Variants in FER1L6 observed in about 807,000 individuals in gnomAD.
The protein encoded by FER1L6 is fer-1 like family member 6, also known as fer-1-like protein 6.
FER1L6 carries 177 observed loss-of-function variants against 219.2 expected under a neutral mutation model. That is an observed-to-expected ratio of 0.81 (90% CI 0.71 to 0.91). FER1L6 has a LOEUF of 0.91. FER1L6 is among the 40% of genes least tolerant of loss of function. FER1L6 has a pLI of 0.00. For synonymous variants in FER1L6, 768 were observed against 824.3 expected (o/e 0.93, Z 1.17); for missense variants, 2,153 against 2,259.9 (o/e 0.95, Z 0.96).
At chr8:123,919,931 C>T (rs867847924) in intron 1 of FER1L6, among the ~76,000 whole-genome samples, 3 of 152,240 alleles carry the variant, frequency 2.0e-5, no homozygotes, top group Middle Eastern at 3.4e-3. Context: ...CCTGGAGAGG[C>T]AAGGAGGCAG....
At position 123,932,065 on chromosome 8, in the gene FER1L6, G is replaced by A. The variant is rs557262126; in HGVS notation, c.-7-23927G>A. ...GTCAACAGCTTCTATTAGAGCTGCAGTTTATTTAACAGTGTCTTTCTTCCC... is the reference window on the plus strand; with the variant it reads ...GTCAACAGCTTCTATTAGAGCTGCAATTTATTTAACAGTGTCTTTCTTCCC... On this transcript the variant is annotated intron_variant, in intron 1 of 40. Coordinates refer to ENST00000522917, the MANE Select transcript of FER1L6 (RefSeq NM_001039112.2). Among the ~76,000 whole-genome samples the A allele has an allele frequency of 5.3e-5, 8 of 152,170 alleles. No homozygotes were observed. In the South Asian group the frequency reaches 1.7e-3, roughly 32 times the overall value.
chr8:124,082,094 A>G (rs1354626615), intron 32 of FER1L6, among the ~76,000 whole-genome samples, 194 bp from the exon 33 acceptor site: 4 of 152,236 alleles, frequency 2.6e-5, no homozygotes, highest in African/African-American at 7.2e-5. Context: ...GCTATTTGAA[A>G]TTGATAACAG....
intron 1 of FER1L6, among the ~76,000 whole-genome samples, chr8:123,874,057 AC>A (rs1190767346): frequency 6.6e-6 from 1 of 152,048 alleles, no homozygotes; most frequent in African/African-American, 2.4e-5. Flanking sequence ...TAGTGTATTC[AC>A]CTGGCCAAAT....
intron 1 of FER1L6, among the ~76,000 whole-genome samples, chr8:123,945,818 A>G (rs1814461709): frequency 6.6e-6 from 1 of 152,220 alleles, no homozygotes. Context: ...TTTGCGAGTC[A>G]TATTTGAAAT....
chr8:124,005,807 A>G (rs528610109), intron 13 of FER1L6, among the ~76,000 whole-genome samples: 25 of 152,348 alleles, frequency 1.6e-4, no homozygotes, highest in African/African-American at 6.0e-4. Context: ...GGAAAGTCAC[A>G]GAAAGAGTAA....
intron 30 of FER1L6, 140 bp from the exon 31 acceptor site, chr8:124,071,366 C>T: frequency 9.8e-7 from 1 of 1,021,370 alleles, no homozygotes; most frequent in Non-Finnish European, 1.5e-6. Context: ...TGCCCAAGGA[C>T]ACCCAACTGG....
At chr8:123,873,447 C>T (rs1372451175) in intron 1 of FER1L6, among the ~76,000 whole-genome samples, 1 of 152,316 alleles carries the variant, frequency 6.6e-6, no homozygotes, top group South Asian at 2.1e-4. Context: ...CTCCTGTAGC[C>T]TCATCAGTGA....
At chr8:124,071,368 C>A in intron 30 of FER1L6, 138 bp from the exon 31 acceptor site, 2 of 1,075,340 alleles carry the variant, frequency 1.9e-6, no homozygotes, top group Non-Finnish European at 2.7e-6. Flanking sequence ...CCCAAGGACA[C>A]CCAACTGGCA....
intron 12 of FER1L6, among the ~76,000 whole-genome samples, chr8:123,992,028 C>G (rs1816883102): frequency 6.6e-6 from 1 of 152,060 alleles, no homozygotes; most frequent in South Asian, 2.1e-4. Context: ...TTAAACCATT[C>G]CCGCATCCCT....
At chr8:123,985,932 A>G in intron 11 of FER1L6, 136 bp from the exon 12 acceptor site, 1 of 607,888 alleles carries the variant, frequency 1.6e-6, no homozygotes, top group East Asian at 2.8e-5. Context: ...TTTGGGGGGA[A>G]ACGCTGTGCC....
chr8:124,043,742 G>A (rs1303588425), intron 20 of FER1L6, among the ~76,000 whole-genome samples: 3 of 152,192 alleles, frequency 2.0e-5, no homozygotes, highest in Non-Finnish European at 2.9e-5. Context: ...GCAGTCTGTT[G>A]TCTTCTCATT....
At chr8:123,939,113 T>C in intron 1 of FER1L6, 1 of 957,878 alleles carries the variant, frequency 1.0e-6, no homozygotes, top group Non-Finnish European at 1.2e-6. Context: ...AAGCATAGGT[T>C]TGTACTTGCT....
intron 39 of FER1L6, among the ~76,000 whole-genome samples, chr8:124,107,283 T>A (rs1822821949): frequency 6.6e-6 from 1 of 152,212 alleles, no homozygotes; most frequent in Non-Finnish European, 1.5e-5. Flanking sequence ...TTACTCAGTG[T>A]ACTGAGCACA....
At chr8:124,090,943 C>CAAAT (rs2130943291) in intron 33 of FER1L6, among the ~76,000 whole-genome samples, 1 of 152,158 alleles carries the variant, frequency 6.6e-6, no homozygotes, top group Admixed American at 6.5e-5. Context: ...TAAAACTAAA[C>CAAAT]AAATATAACC....
chr8:123,998,870 G>A (rs914195376), intron 12 of FER1L6, among the ~76,000 whole-genome samples: 1 of 152,186 alleles, frequency 6.6e-6, no homozygotes. Flanking sequence ...AGTACTGCCT[G>A]GCGATTAGCA....
intron 1 of FER1L6, among the ~76,000 whole-genome samples, chr8:123,886,899 G>A (rs993279844): frequency 2.6e-4 from 39 of 152,098 alleles, no homozygotes; most frequent in African/African-American, 8.2e-4. Flanking sequence ...TGCAAATATC[G>A]AAACTGACCC....
At chr8:124,108,495 C>G (rs1282778990) in intron 39 of FER1L6, among the ~76,000 whole-genome samples, 1 of 152,152 alleles carries the variant, frequency 6.6e-6, no homozygotes, top group African/African-American at 2.4e-5. Context: ...CCTTCTGGGC[C>G]CCAGGATGAG....
At chr8:123,909,251 G>C (rs1813009042) in intron 1 of FER1L6, among the ~76,000 whole-genome samples, 1 of 152,076 alleles carries the variant, frequency 6.6e-6, no homozygotes, top group Non-Finnish European at 1.5e-5. Flanking sequence ...CATTGCATGG[G>C]GACATGAGTG....
intron 3 of FER1L6, among the ~76,000 whole-genome samples, chr8:123,965,586 C>A (rs1815500660): frequency 6.6e-6 from 1 of 152,160 alleles, no homozygotes; most frequent in Non-Finnish European, 1.5e-5. Context: ...TTAGACATGG[C>A]AGAATGGTCC....
Sources: gnomAD v4.1 joint callset for allele counts (sites outside exome capture counted in the v4.1 genomes callset) on GRCh38, gnomAD v4.1.1 for gene constraint, MANE v1.5 for transcripts, NCBI Gene and HGNC (gene_info 2026-07-23, HGNC 2026-07-21) for gene names.